Variants in MAGI2 observed in about 807,000 individuals in gnomAD.
MAGI2 encodes the protein membrane associated guanylate kinase, WW and PDZ domain containing 2.
MAGI2 carries 35 observed loss-of-function variants against 133.3 expected under a neutral mutation model. The ratio of observed to expected loss-of-function variants is 0.26; its 90% CI spans 0.20 to 0.35. MAGI2 has a LOEUF of 0.35. MAGI2 is among the 10% of genes least tolerant of loss of function. The pLI is 1.00. For missense variants in MAGI2, 1,636 were observed against 1,863.4 expected (o/e 0.88, Z 2.25); for synonymous variants, 729 against 710.6 (o/e 1.03, Z -0.41).
At chr7:78,058,235 A>G (rs966479638) in intron 21 of MAGI2, among the ~76,000 whole-genome samples, 3 of 151,902 alleles carry the variant, frequency 2.0e-5, no homozygotes, top group Admixed American at 6.6e-5. Context: ...TATGAGGGAA[A>G]GTAGCCTCTG....
At chr7:78,091,052 ATGTG>A (rs3084764) in intron 20 of MAGI2, among the ~76,000 whole-genome samples, 63 of 150,024 alleles carry the variant, frequency 4.2e-4, no homozygotes, top group South Asian at 1.7e-3. Context: ...ATGTGTGTGT[ATGTG>A]TGTGTGTGTG....
intron 1 of MAGI2, among the ~76,000 whole-genome samples, chr7:79,037,542 G>A (rs943885196): frequency 1.3e-5 from 2 of 152,050 alleles, no homozygotes; most frequent in South Asian, 4.1e-4. Context: ...TTTTATGCTT[G>A]TTAATAGATC....
At chr7:78,280,791 C>G (rs1183503083) in intron 9 of MAGI2, among the ~76,000 whole-genome samples, 1 of 151,014 alleles carries the variant, frequency 6.6e-6, no homozygotes, top group Non-Finnish European at 1.5e-5. Flanking sequence ...AATGTCAAGT[C>G]CCTCCCCCGA....
intron 9 of MAGI2, among the ~76,000 whole-genome samples, chr7:78,295,038 T>C (rs746204200): frequency 4.6e-5 from 7 of 152,190 alleles, no homozygotes; most frequent in Non-Finnish European, 1.5e-5. Context: ...ATTTATCTGA[T>C]AATGGCAAAA....
chr7:78,403,507 A>C (rs1797093489), intron 6 of MAGI2, among the ~76,000 whole-genome samples: 1 of 149,926 alleles, frequency 6.7e-6, no homozygotes, highest in Non-Finnish European at 1.5e-5. Flanking sequence ...TCCTTTGGGT[A>C]TATACCCAGT....
chr7:78,397,982 C>T (rs1285547141), intron 6 of MAGI2, among the ~76,000 whole-genome samples: 2 of 152,024 alleles, frequency 1.3e-5, no homozygotes, highest in African/African-American at 2.4e-5. Flanking sequence ...AAATTAAACA[C>T]TGTCTATAAA....
chr7:78,166,891 GAA>G (rs1346516544), intron 15 of MAGI2, among the ~76,000 whole-genome samples: 1 of 152,112 alleles, frequency 6.6e-6, no homozygotes, highest in East Asian at 1.9e-4. Flanking sequence ...GCCTTAGAGA[GAA>G]GAGTCCCTCT....
chr7:79,411,815 G>T (rs915088451), intron 1 of MAGI2: 3 of 151,758 alleles, frequency 2.0e-5, no homozygotes, highest in African/African-American at 7.3e-5. Flanking sequence ...CTCTTCAACT[G>T]AAAATACATA....
chr7:78,426,651 C>T (rs1448622988), intron 6 of MAGI2, among the ~76,000 whole-genome samples: 1 of 151,784 alleles, frequency 6.6e-6, no homozygotes, highest in East Asian at 1.9e-4. Context: ...AACAGAGCTT[C>T]AATAATCTGT....
chr7:78,656,414 T>G (rs548707970), intron 2 of MAGI2, among the ~76,000 whole-genome samples: 2 of 152,324 alleles, frequency 1.3e-5, no homozygotes, highest in African/African-American at 4.8e-5. Flanking sequence ...GAGGACATTA[T>G]GCTAAGTGAA....
chr7:78,070,102 CACAT>C (rs1192067167), intron 21 of MAGI2, among the ~76,000 whole-genome samples: 28 of 100,464 alleles, frequency 2.8e-4, no homozygotes, highest in African/African-American at 8.8e-4. Context: ...CACACACACA[CACAT>C]ACACACACAC....
At chr7:79,351,229 G>A (rs1279576088) in intron 1 of MAGI2, among the ~76,000 whole-genome samples, 1 of 152,094 alleles carries the variant, frequency 6.6e-6, no homozygotes, top group Non-Finnish European at 1.5e-5. Flanking sequence ...TAGGGTTAAA[G>A]AATTTACACT....
At chr7:78,494,063 A>T (rs943996634) in intron 5 of MAGI2, among the ~76,000 whole-genome samples, 1 of 151,116 alleles carries the variant, frequency 6.6e-6, no homozygotes, top group South Asian at 2.1e-4. Flanking sequence ...TGCCACCTCC[A>T]CCCCCTGGGA....
intron 2 of MAGI2, among the ~76,000 whole-genome samples, chr7:78,831,323 T>C (rs1791131760): frequency 6.6e-6 from 1 of 152,210 alleles, no homozygotes; most frequent in Non-Finnish European, 1.5e-5. Context: ...TTTACAATTT[T>C]CATCCTAAAG....
intron 2 of MAGI2, among the ~76,000 whole-genome samples, chr7:78,870,934 G>A (rs474780): frequency 0.69 from 105,046 of 152,016 alleles, 36,593 homozygotes; most frequent in Middle Eastern, 0.76. Flanking sequence ...ACTCTAAGTG[G>A]AGTAACTCAG....
chr7:78,712,070 G>A (rs897531574), intron 2 of MAGI2, among the ~76,000 whole-genome samples: 2 of 152,094 alleles, frequency 1.3e-5, no homozygotes, highest in Non-Finnish European at 2.9e-5. Context: ...AGTGCTACTG[G>A]CAATGTCAAC....
chr7:79,214,204 T>C (rs1450510207), intron 1 of MAGI2, among the ~76,000 whole-genome samples: 2 of 151,440 alleles, frequency 1.3e-5, no homozygotes, highest in Non-Finnish European at 2.9e-5. Flanking sequence ...AACTGCATTT[T>C]ATTGTTCTTC....
At chr7:78,522,546 A>G (rs1180931569) in intron 3 of MAGI2, among the ~76,000 whole-genome samples, 3 of 151,838 alleles carry the variant, frequency 2.0e-5, no homozygotes, top group Non-Finnish European at 4.4e-5. Context: ...GTTCTGGCTA[A>G]TTTTTGTATT....
intron 1 of MAGI2, among the ~76,000 whole-genome samples, chr7:79,311,983 A>G (rs1354771808): frequency 6.6e-6 from 1 of 152,168 alleles, no homozygotes; most frequent in Non-Finnish European, 1.5e-5. Context: ...TCTATTGCTA[A>G]CATCCCAGTC....
Sources: gnomAD v4.1 joint callset for allele counts (sites outside exome capture counted in the v4.1 genomes callset) on GRCh38, gnomAD v4.1.1 for gene constraint, MANE v1.5 for transcripts, NCBI Gene and HGNC (gene_info 2026-07-23, HGNC 2026-07-21) for gene names.